Variants in TEX2 observed in about 807,000 individuals in gnomAD.
The protein encoded by TEX2 is testis expressed 2, also known as testis-expressed protein 2.
TEX2 carries 53 observed loss-of-function variants against 106.9 expected under a neutral mutation model. The ratio of observed to expected loss-of-function variants is 0.50; its 90% CI spans 0.40 to 0.62. The LOEUF (loss-of-function observed/expected upper bound fraction) is 0.62, where lower values mean the gene tolerates loss of function less well. Among genes scored for constraint, TEX2 ranks in the 20% least tolerant of loss-of-function variants. The probability of loss-of-function intolerance (pLI) is 0.00; values close to 1 mark genes in which losing one functional copy is unlikely to be tolerated. For synonymous variants in TEX2, 523 were observed against 534.8 expected, an observed-to-expected ratio of 0.98 and a Z score of 0.30; for missense variants, 1,207 against 1,379.0, an observed-to-expected ratio of 0.88 and a Z score of 1.98.
Position 64,153,225 on chromosome 17 carries a change from T to C in TEX2, c.2931-71A>G. ...TTTCACAGACAAAAACCTGTGGCTC[T>C]TCGTTCCCCTTACTTTAGAGCACCA... is the stretch of plus-strand genomic sequence containing the variant. On this transcript the variant is annotated intron_variant, in intron 9 of 11. Transcript: ENST00000584379. This position sits in a 1 kb window ranked among gnomAD's most constrained non-coding sequence, Gnocchi z 4.1. 2 of 1,038,302 alleles carry C rather than the reference T, an allele frequency of 1.9e-6. No homozygotes were observed. The highest frequency in any genetic ancestry group is 4.2e-5 in the Admixed American group (2 of 47,412). 64.3% of individuals were successfully genotyped at this position (1,038,302 alleles called of 1,614,324 possible). A position where few individuals can be genotyped will look rare whatever the true frequency, so the allele number is the denominator to read the frequency against.
chr17:64,157,118 G>A (rs1974228312), intron 8 of TEX2, among the ~76,000 whole-genome samples: 1 of 152,202 alleles, frequency 6.6e-6, no homozygotes, highest in African/African-American at 2.4e-5. Context: ...GGAATTATAA[G>A]TGTAGCCCAG....
chr17:64,191,058 T>C (rs890059807), intron 4 of TEX2, among the ~76,000 whole-genome samples: 3 of 152,216 alleles, frequency 2.0e-5, no homozygotes, highest in Non-Finnish European at 4.4e-5. Context: ...CTCACCAATT[T>C]ACCTTGCTAC....
At chr17:64,198,363 CTTGAAGCAGA>C (rs1184228807) in intron 2 of TEX2, among the ~76,000 whole-genome samples, 1 of 150,670 alleles carries the variant, frequency 6.6e-6, no homozygotes, top group Non-Finnish European at 1.5e-5. Context: ...TAATAAAGAA[CTTGAAGCAGA>C]TATAATCGTT....
At position 64,212,629 on chromosome 17, in the gene TEX2, T is replaced by C. The variant is rs545641491; in HGVS notation, c.1589A>G (p.Asn530Ser). ...SAHKYHKLHK[N>S]LRHWNTRSLD... ...AGATCTTGTGTTCCAGTGTCGCAGATTTTTGTGTAACTTGTGATATTTATG... is the reference window on the plus strand; with the variant it reads ...AGATCTTGTGTTCCAGTGTCGCAGACTTTTGTGTAACTTGTGATATTTATG... Residue 530 changes from asparagine to serine, a missense_variant, in exon 2 of 12, where the codon AAT becomes AGT. Coordinates refer to ENST00000584379, the MANE Select transcript of TEX2 (RefSeq NM_001288732.2). 20 of 1,614,196 alleles carry C rather than the reference T, an allele frequency of 1.2e-5. 3 individuals are homozygous for C. The South Asian group carries it at 2.0e-4, about 16-fold the overall frequency.
intron 5 of TEX2, among the ~76,000 whole-genome samples, chr17:64,183,560 G>A (rs2031963246): frequency 6.6e-6 from 1 of 152,142 alleles, no homozygotes; most frequent in Admixed American, 6.5e-5. Flanking sequence ...CCCAGTAGCT[G>A]GGATTACAGG....
rs566755382 is a variant in TEX2, at chr17:64,255,028, C to CTTTTTTTTTTT, written c.-26+8129_-26+8139dup. On this transcript the variant is annotated intron_variant, in intron 1 of 11. Transcript: ENST00000584379. Reference sequence around the variant, plus strand: ...TACAGGTGTGTGTCACTGCATCTGGCTTTTTTTTTTTTTTTTTTGTAGAGG... The same window carrying CTTTTTTTTTTT: ...TACAGGTGTGTGTCACTGCATCTGGCTTTTTTTTTTTTTTTTTTTTTTTTTTTTTGTAGAGG... Among the ~76,000 whole-genome samples the CTTTTTTTTTTT allele has an allele frequency of 1.5e-5, 2 of 132,488 alleles. 1 individual carries two copies. The highest frequency in any genetic ancestry group is 3.2e-5 in the Non-Finnish European group (2 of 62,100). The allele number at this position is 132,488 out of a possible 152,430, so 86.9% of individuals were successfully genotyped here.
At chr17:64,244,391 G>A (rs1024913243) in intron 1 of TEX2, among the ~76,000 whole-genome samples, 1 of 152,172 alleles carries the variant, frequency 6.6e-6, no homozygotes, top group South Asian at 2.1e-4. Flanking sequence ...TTAGGGTTTG[G>A]ATTCTTGAAT....
At chr17:64,179,609 A>C (rs1463471544) in intron 5 of TEX2, among the ~76,000 whole-genome samples, 1 of 151,678 alleles carries the variant, frequency 6.6e-6, no homozygotes, top group Non-Finnish European at 1.5e-5. Context: ...GCAGGAACCA[A>C]CTCCACATAC....
chr17:64,160,858 T>C lies in TEX2; in HGVS notation c.2747A>G (p.Lys916Arg), dbSNP rs2030850888. The change falls in exon 8 of 12, where the codon AAA becomes AGA. Residue 916 changes from lysine (K) to arginine (R), a missense_variant. By Grantham distance (26) the Lys-to-Arg change is conservative. Around this residue, in one of 3 missense-constraint regions of TEX2, gnomAD observed 1,067 missense variants for 1,193.6 expected, o/e 0.89. Transcript: ENST00000584379. ...MTLETKMNLT[K>R]LGKEPLVEAL... is the part of the protein sequence containing the mutation. ...TTCAACAAGAGGCTCTTTACCTAGT[T>C]TGGTCAAATTCATTTTGGTCTCGAG... is the stretch of plus-strand genomic sequence containing the variant. 11 of 1,614,004 alleles carry C rather than the reference T, an allele frequency of 6.8e-6. No individual in the cohort carries two copies. The highest frequency in any genetic ancestry group is 9.3e-6 in the Non-Finnish European group (11 of 1,180,016).
chr17:64,173,747 T>G (rs1251914905), intron 6 of TEX2, among the ~76,000 whole-genome samples: 1 of 152,228 alleles, frequency 6.6e-6, no homozygotes, highest in Non-Finnish European at 1.5e-5. Context: ...CTGTCCTTTT[T>G]GTCCACTACT....
At chr17:64,179,879 G>A (rs892854029) in intron 5 of TEX2, among the ~76,000 whole-genome samples, 2 of 152,100 alleles carry the variant, frequency 1.3e-5, no homozygotes, top group Admixed American at 1.3e-4. Flanking sequence ...TGGGCTTTTC[G>A]AGTGCTGTGA....
At chr17:64,222,586 A>G (rs988475976) in intron 1 of TEX2, among the ~76,000 whole-genome samples, 1 of 151,822 alleles carries the variant, frequency 6.6e-6, no homozygotes, top group African/African-American at 2.4e-5. Context: ...TAGGAGTTTG[A>G]GACCAGCCTG....
chr17:64,193,321 G>A (rs1395608629), intron 4 of TEX2, among the ~76,000 whole-genome samples: 1 of 152,150 alleles, frequency 6.6e-6, no homozygotes, highest in African/African-American at 2.4e-5. Context: ...AACATAACCA[G>A]CAAAGGCTAA....
At chr17:64,151,753 CCT>C (rs2143591136) in intron 10 of TEX2, among the ~76,000 whole-genome samples, 1 of 152,236 alleles carries the variant, frequency 6.6e-6, no homozygotes, top group South Asian at 2.1e-4. Flanking sequence ...TTTATCTCCC[CCT>C]GAGCAGAGGC....
At chr17:64,199,198 T>C (rs543995692) in intron 2 of TEX2, among the ~76,000 whole-genome samples, 64 of 152,322 alleles carry the variant, frequency 4.2e-4, no homozygotes, top group African/African-American at 1.5e-3. Context: ...ATTAATATAA[T>C]GTGAGCCATA....
At chr17:64,207,785 G>C (rs2032879183) in intron 2 of TEX2, among the ~76,000 whole-genome samples, 1 of 151,688 alleles carries the variant, frequency 6.6e-6, no homozygotes. Flanking sequence ...ACTCAGGCTG[G>C]AGGGCAGTGG....
chr17:64,170,292 C>G (rs904442355), intron 7 of TEX2, among the ~76,000 whole-genome samples: 1 of 152,158 alleles, frequency 6.6e-6, no homozygotes, highest in Non-Finnish European at 1.5e-5. Flanking sequence ...GTACTGAGCA[C>G]CTACTAGGAG....
intron 1 of TEX2, among the ~76,000 whole-genome samples, chr17:64,238,157 G>A (rs1251105764): frequency 6.6e-6 from 1 of 152,066 alleles, no homozygotes; most frequent in Admixed American, 6.6e-5. Context: ...AAAATTAGCT[G>A]GGCATGGTGG....
chr17:64,231,796 G>C (rs2143317498), intron 1 of TEX2, among the ~76,000 whole-genome samples: 1 of 152,292 alleles, frequency 6.6e-6, no homozygotes, highest in East Asian at 1.9e-4. Context: ...ACGGCAAAAG[G>C]CCTCTTTTTC....
Sources: gnomAD v4.1 joint callset for allele counts (sites outside exome capture counted in the v4.1 genomes callset) on GRCh38, gnomAD v4.1.1 for gene constraint, gnomAD v4.1.1 regional missense constraint, Gnocchi (gnomAD v3.1) non-coding constraint, MANE v1.5 for transcripts, NCBI Gene and HGNC (gene_info 2026-07-23, HGNC 2026-07-21) for gene names.